Variants in ARNT2 observed in about 807,000 individuals in gnomAD.
ARNT2 encodes the protein aryl hydrocarbon receptor nuclear translocator 2.
A neutral mutation model predicts 91.7 loss-of-function variants in ARNT2; 36 were observed. The observed-to-expected ratio is 0.39, with a 90% CI of 0.30 to 0.52. The LOEUF is 0.52. Among genes scored for constraint, ARNT2 ranks in the 20% least tolerant of loss-of-function variants. The pLI is 0.72. For synonymous variants in ARNT2, 365 were observed against 347.1 expected, an observed-to-expected ratio of 1.05 and a Z score of -0.57; for missense variants, 775 against 939.3, an observed-to-expected ratio of 0.83 and a Z score of 2.29.
intron 8 of ARNT2, among the ~76,000 whole-genome samples, chr15:80,529,134 G>A (rs1028824656): frequency 6.6e-6 from 1 of 152,212 alleles, no homozygotes; most frequent in African/African-American, 2.4e-5. Context: ...CTTCTTGCAA[G>A]GTTGAGAAGT....
chr15:80,586,339 C>G (rs73494771), intron 17 of ARNT2, among the ~76,000 whole-genome samples: 1 of 152,016 alleles, frequency 6.6e-6, no homozygotes, highest in Non-Finnish European at 1.5e-5. Flanking sequence ...TCCCCACATG[C>G]GTCTCAGTTT....
chr15:80,451,046 C>T, intron 2 of ARNT2, 52 bp downstream of exon 2: 1 of 1,492,110 alleles, frequency 6.7e-7, no homozygotes, highest in Non-Finnish European at 9.2e-7. Context: ...TTGAGCAATG[C>T]TCTTGACCTG....
intron 3 of ARNT2, among the ~76,000 whole-genome samples, chr15:80,465,127 C>G (rs1204311725): frequency 1.3e-5 from 2 of 152,192 alleles, no homozygotes; most frequent in South Asian, 2.1e-4. Context: ...AGGCAGAAAG[C>G]CTTGTTTGTT....
At chr15:80,508,033 A>C in intron 5 of ARNT2, 123 bp from the exon 6 acceptor site, 1 of 852,870 alleles carries the variant, frequency 1.2e-6, no homozygotes, top group Admixed American at 2.3e-5. Flanking sequence ...AGACACAAAC[A>C]ATTTGCACAG....
At chr15:80,592,717 C>CTCCTCCT (rs1418515111) in intron 18 of ARNT2, among the ~76,000 whole-genome samples, 1 of 152,238 alleles carries the variant, frequency 6.6e-6, no homozygotes, top group Non-Finnish European at 1.5e-5. Flanking sequence ...CTGCAGCCAT[C>CTCCTCCT]TCCTCCTTCC....
chr15:80,494,674 T>C (rs1427224985), intron 5 of ARNT2, among the ~76,000 whole-genome samples: 1 of 152,036 alleles, frequency 6.6e-6, no homozygotes, highest in East Asian at 1.9e-4. Flanking sequence ...TCCCACATCA[T>C]GTTGAGAATG....
intron 18 of ARNT2, among the ~76,000 whole-genome samples, chr15:80,593,164 G>A (rs1031227900): frequency 5.9e-5 from 9 of 152,164 alleles, no homozygotes; most frequent in Non-Finnish European, 1.0e-4. Flanking sequence ...TCGTCCCTGC[G>A]CTAAGATAAA....
rs1595993096 is a variant in ARNT2, at chr15:80,514,027, A to G, written c.791+51A>G. 5 of 1,528,112 alleles carry G rather than the reference A, an allele frequency of 3.3e-6. No homozygotes were observed. The East Asian group carries it at 9.0e-5, about 28-fold the overall frequency. The allele number at this position is 1,528,112 out of a possible 1,614,324, so 94.7% of individuals were successfully genotyped here. ...TTGGGACTGTTCTGGTAGATAGTCTAAACACCCTAAGCTAAGCAGCCTAGA... is the reference window on the plus strand; with the variant it reads ...TTGGGACTGTTCTGGTAGATAGTCTGAACACCCTAAGCTAAGCAGCCTAGA... On this transcript the variant is annotated intron_variant, in intron 7 of 18. Coordinates refer to ENST00000303329, the MANE Select transcript of ARNT2 (RefSeq NM_014862.4).
chr15:80,485,687 G>T (rs115117760), intron 5 of ARNT2, among the ~76,000 whole-genome samples: 84 of 152,314 alleles, frequency 5.5e-4, no homozygotes, highest in African/African-American at 2.0e-3. Flanking sequence ...GAAGCGTGGG[G>T]AGAGGGGATG....
chr15:80,529,504 T>G (rs1320972880), intron 8 of ARNT2, among the ~76,000 whole-genome samples: 1 of 151,604 alleles, frequency 6.6e-6, no homozygotes, highest in Admixed American at 6.6e-5. Flanking sequence ...AGCCTGTTTT[T>G]CTTTTCTTTT....
intron 3 of ARNT2, among the ~76,000 whole-genome samples, chr15:80,464,904 CAT>C (rs914852829): frequency 4.7e-4 from 72 of 152,184 alleles, no homozygotes; most frequent in African/African-American, 1.7e-3. Context: ...GACCAGGACT[CAT>C]GTGTAGACCC....
intron 5 of ARNT2, among the ~76,000 whole-genome samples, chr15:80,504,484 G>A (rs1363448566): frequency 6.6e-6 from 1 of 151,478 alleles, no homozygotes; most frequent in Non-Finnish European, 1.5e-5. Flanking sequence ...AAAAGTAGAA[G>A]TCAGCTAAGC....
intron 1 of ARNT2, among the ~76,000 whole-genome samples, chr15:80,428,585 G>A (rs1895964516): frequency 6.6e-6 from 1 of 152,206 alleles, no homozygotes; most frequent in African/African-American, 2.4e-5. Context: ...AGATCACAAG[G>A]GAGGAGGAAC....
At chr15:80,465,203 G>A (rs1055766342) in intron 3 of ARNT2, among the ~76,000 whole-genome samples, 1 of 152,202 alleles carries the variant, frequency 6.6e-6, no homozygotes, top group African/African-American at 2.4e-5. Context: ...TGTGTGCTGG[G>A]TGAATTCTGA....
At chr15:80,497,335 G>A (rs551212196) in intron 5 of ARNT2, among the ~76,000 whole-genome samples, 36 of 152,372 alleles carry the variant, frequency 2.4e-4, no homozygotes, top group African/African-American at 8.7e-4. Context: ...GGATTTGATA[G>A]GCCATGACCA....
chr15:80,433,545 C>G (rs192424917), intron 1 of ARNT2, among the ~76,000 whole-genome samples: 2 of 152,058 alleles, frequency 1.3e-5, no homozygotes, highest in Admixed American at 6.5e-5. Context: ...CACCTCCCCC[C>G]GCCTCGGCCT....
chr15:80,517,338 G>A (rs111283114), intron 8 of ARNT2, among the ~76,000 whole-genome samples: 2,446 of 152,194 alleles, frequency 0.016, 25 homozygotes, highest in East Asian at 0.062. Context: ...TCTTCTATAG[G>A]TAGTGTGGGA....
chr15:80,567,002 G>T (rs8030086), intron 12 of ARNT2, among the ~76,000 whole-genome samples: 2,372 of 152,300 alleles, frequency 0.016, 57 homozygotes, highest in African/African-American at 0.055. Context: ...GGAAAAGGGT[G>T]GTTCTTCTTT....
At chr15:80,416,081 A>G (rs1321891951) in intron 1 of ARNT2, among the ~76,000 whole-genome samples, 1 of 152,190 alleles carries the variant, frequency 6.6e-6, no homozygotes, top group African/African-American at 2.4e-5. Context: ...TAATGAATGA[A>G]TGACTGAATG....
Sources: allele counts gnomAD v4.1 joint callset (sites outside exome capture counted in the v4.1 genomes callset), GRCh38; gene constraint gnomAD v4.1.1; transcripts MANE v1.5; gene names NCBI Gene and HGNC (gene_info 2026-07-23, HGNC 2026-07-21).